The following RNF144A variants were observed in gnomAD, a reference collection of about 807,000 sequenced individuals.
RNF144A encodes the protein ring finger protein 144A.
A neutral mutation model predicts 38.7 loss-of-function variants in RNF144A; 11 were observed. That is an observed-to-expected ratio of 0.28 (90% CI 0.18 to 0.47). The LOEUF is 0.47. Among genes scored for constraint, RNF144A ranks in the 20% least tolerant of loss-of-function variants. The pLI, the probability that RNF144A is intolerant of heterozygous loss-of-function variation, is 0.99. For missense variants in RNF144A, 316 were observed against 377.2 expected, an observed-to-expected ratio of 0.84 and a Z score of 1.34; for synonymous variants, 149 against 143.9, an observed-to-expected ratio of 1.04 and a Z score of -0.25.
intron 2 of RNF144A, among the ~76,000 whole-genome samples, chr2:6,961,546 A>G (rs977336034): frequency 6.6e-6 from 1 of 152,204 alleles, no homozygotes; most frequent in East Asian, 1.9e-4. Context: ...GAGAGATGAG[A>G]CATGCATGCA....
chr2:7,059,512 G>T (rs1048813426), intron 6 of RNF144A, among the ~76,000 whole-genome samples: 4 of 152,296 alleles, frequency 2.6e-5, no homozygotes, highest in Non-Finnish European at 5.9e-5. Context: ...GTCTGGTAGG[G>T]TTATTACATC....
chr2:6,978,723 G>A (rs1668454673), intron 2 of RNF144A: 1 of 152,684 alleles, frequency 6.5e-6, no homozygotes, highest in Non-Finnish European at 1.5e-5. Context: ...TGGTTCTGCA[G>A]TCTGAGCCTG....
chr2:7,029,609 C>T (rs547547226), intron 7 of RNF144A, among the ~76,000 whole-genome samples: 13 of 152,258 alleles, frequency 8.5e-5, no homozygotes, highest in African/African-American at 2.2e-4. Flanking sequence ...GTGAGAAGCC[C>T]GACCTGATGG....
intron 3 of RNF144A, among the ~76,000 whole-genome samples, chr2:7,000,858 G>A (rs1327859085): frequency 2.0e-5 from 3 of 149,550 alleles, no homozygotes; most frequent in East Asian, 2.0e-4. Context: ...TATATATTGC[G>A]TTTATATATA....
chr2:7,066,309 G>C (rs746656391), intron 6 of RNF144A, among the ~76,000 whole-genome samples: 4 of 152,040 alleles, frequency 2.6e-5, no homozygotes, highest in Non-Finnish European at 5.9e-5. Flanking sequence ...GGATGGTCTT[G>C]ATCTCCTGAC....
chr2:7,054,511 G>A lies in RNF144A; in HGVS notation c.735-13705G>A, dbSNP rs747376354. Among the ~76,000 whole-genome samples, 28 of 152,112 alleles carry A rather than the reference G, an allele frequency of 1.8e-4. No individual in the cohort carries two copies. In the South Asian group the frequency reaches 3.7e-3, roughly 20 times the overall value. On this transcript the variant is annotated intron_variant, in intron 6 of 6. Transcript: ENST00000432850. ...TGCAAGTTAAAGTCTGAGAAATATT[G>A]GGCAAATCCAATCTGTTGCCAAATC...
chr2:6,997,166 C>A, intron 3 of RNF144A, 105 bp downstream of exon 3: 1 of 1,099,364 alleles, frequency 9.1e-7, no homozygotes, highest in Non-Finnish European at 1.4e-6. Flanking sequence ...TTTTGCCTGA[C>A]AGTGGAGTCT....
At position 7,043,362 on chromosome 2, in the gene RNF144A, CA is replaced by C. The variant is rs535718371; in HGVS notation, c.*3603del. On this transcript the variant is annotated 3_prime_UTR_variant, in exon 9 of 9. Transcript: ENST00000320892. ...GAAGTCATTTTACAAATTAAAAAAACATTTTTTTCTTGGTAGTCTTTAAAAA... is the reference window on the plus strand; with the variant it reads ...GAAGTCATTTTACAAATTAAAAAAACTTTTTTTCTTGGTAGTCTTTAAAAA... The C allele has an allele frequency of 1.5e-4, 152 of 984,842 alleles. No homozygotes were observed. The African/African-American group carries it at 2.6e-3, about 17-fold the overall frequency. The allele number at this position is 984,842 out of a possible 1,614,324, so 61.0% of individuals were successfully genotyped here.
chr2:7,030,518 T>C (rs541299915), intron 8 of RNF144A, among the ~76,000 whole-genome samples: 1 of 152,240 alleles, frequency 6.6e-6, no homozygotes, highest in South Asian at 2.1e-4. Flanking sequence ...CTCATGGCCT[T>C]GGTCATGACC....
chr2:6,939,489 A>G (rs1665827335), intron 1 of RNF144A, among the ~76,000 whole-genome samples: 1 of 152,220 alleles, frequency 6.6e-6, no homozygotes, highest in South Asian at 2.1e-4. Flanking sequence ...TTTATCAGAT[A>G]TATGATTTGC....
At chr2:7,047,168 AC>A (rs1161510141), downstream of RNF144A, among the ~76,000 whole-genome samples, 2 of 152,202 alleles carry the variant, frequency 1.3e-5, no homozygotes, top group Admixed American at 1.3e-4. Flanking sequence ...GTGGTGACTT[AC>A]TGAATGCCTG....
chr2:6,999,445 G>T (rs979032879), intron 3 of RNF144A, among the ~76,000 whole-genome samples: 2 of 152,124 alleles, frequency 1.3e-5, no homozygotes, highest in Non-Finnish European at 2.9e-5. Context: ...TCCTTTTTTG[G>T]GGGGTGCAGA....
chr2:7,048,865 C>T (rs192269600), downstream of RNF144A, among the ~76,000 whole-genome samples: 57 of 152,338 alleles, frequency 3.7e-4, no homozygotes, highest in African/African-American at 1.3e-3. Flanking sequence ...AATGCACAGA[C>T]AGCAGCTAAA....
At chr2:6,970,253 G>A (rs1383293801) in intron 2 of RNF144A, among the ~76,000 whole-genome samples, 5 of 152,132 alleles carry the variant, frequency 3.3e-5, no homozygotes, top group East Asian at 1.9e-4. Context: ...TCATGGGGGC[G>A]GGTCTTTCCC....
At chr2:6,928,689 A>G (rs977116923) in intron 1 of RNF144A, among the ~76,000 whole-genome samples, 1 of 152,160 alleles carries the variant, frequency 6.6e-6, no homozygotes, top group Admixed American at 6.5e-5. Context: ...GAGTTGCCCC[A>G]GATTTTTTTC....
chr2:7,066,487 G>A (rs372763536), intron 6 of RNF144A, among the ~76,000 whole-genome samples: 15 of 152,216 alleles, frequency 9.9e-5, no homozygotes, highest in South Asian at 8.3e-4. Context: ...CCTCCTACCC[G>A]ATCCCTCTGG....
At chr2:7,021,261 C>T (rs907275064) in intron 6 of RNF144A, among the ~76,000 whole-genome samples, 1 of 152,168 alleles carries the variant, frequency 6.6e-6, no homozygotes, top group Non-Finnish European at 1.5e-5. Flanking sequence ...ACAAAATCTA[C>T]AAGGTCACGT....
At chr2:6,974,630 CTTAA>C (rs1301434840) in intron 2 of RNF144A, among the ~76,000 whole-genome samples, 2 of 151,958 alleles carry the variant, frequency 1.3e-5, no homozygotes, top group Non-Finnish European at 2.9e-5. Flanking sequence ...TCAGACTTTA[CTTAA>C]TTATTGTGAA....
Position 6,962,895 on chromosome 2 carries a change from C to A in RNF144A, c.-12+21748C>A, listed in dbSNP as rs913889907. Among the ~76,000 whole-genome samples, 3 of 152,092 alleles carry A rather than the reference C, an allele frequency of 2.0e-5. No homozygotes were observed. The highest frequency in any genetic ancestry group is 4.4e-5 in the Non-Finnish European group (3 of 68,030). ...ATGCCAGTGTTGAATTTGTGGTGGT[C>A]TTTGAACTGTGATTGATCGTTGAAG... On this transcript the variant is annotated intron_variant, in intron 2 of 8. Transcript: ENST00000320892. This position sits in a 1 kb window ranked among gnomAD's most constrained non-coding sequence, Gnocchi z 4.1.
Sources: allele counts gnomAD v4.1 joint callset (sites outside exome capture counted in the v4.1 genomes callset), GRCh38; gene constraint gnomAD v4.1.1; non-coding constraint Gnocchi (gnomAD v3.1); transcripts MANE v1.5; gene names NCBI Gene and HGNC (gene_info 2026-07-23, HGNC 2026-07-21).